The following NUP58 variants were observed in gnomAD, a reference collection of about 807,000 sequenced individuals.
The protein encoded by NUP58 is nucleoporin p58/p45.
NUP58 carries 17 observed loss-of-function variants against 70.1 expected under a neutral mutation model. The ratio of observed to expected loss-of-function variants is 0.24; its 90% confidence interval spans 0.17 to 0.36. The LOEUF (loss-of-function observed/expected upper bound fraction) is 0.36, where lower values mean the gene tolerates loss of function less well. Among genes scored for constraint, NUP58 ranks in the 10% least tolerant of loss-of-function variants. The pLI is 1.00. For missense variants in NUP58, 644 were observed against 701.5 expected (o/e 0.92, Z 0.93); for synonymous variants, 275 against 257.6 (o/e 1.07, Z -0.65).
chr13:25,306,298 C>G (rs186579573), intron 1 of NUP58, among the ~76,000 whole-genome samples: 11 of 149,266 alleles, frequency 7.4e-5, no homozygotes, highest in African/African-American at 2.7e-4. Context: ...TGAGCTACTC[C>G]GGAGGCTGAG....
chr13:25,335,024 T>C (rs2031732172), intron 13 of NUP58: 2 of 985,272 alleles, frequency 2.0e-6, no homozygotes, highest in Non-Finnish European at 1.2e-6. Context: ...GAAACTAATA[T>C]ATATGGTGGC....
chr13:25,333,184 G>A, intron 13 of NUP58: 1 of 985,218 alleles, frequency 1.0e-6, no homozygotes, highest in Non-Finnish European at 1.2e-6. Flanking sequence ...GAAATTCATA[G>A]GTTTTCACTT....
At chr13:25,327,751 T>C (rs1049695051) in intron 12 of NUP58, among the ~76,000 whole-genome samples, 1 of 152,220 alleles carries the variant, frequency 6.6e-6, no homozygotes, top group Non-Finnish European at 1.5e-5. Flanking sequence ...CAGTGCATTG[T>C]GAATAACTTT....
Position 25,325,054 on chromosome 13 carries a change from T to C in NUP58, c.1017T>C (p.Tyr339=). The C allele has an allele frequency of 1.2e-6, 2 of 1,609,060 alleles. No homozygotes were observed. The highest frequency in any genetic ancestry group is 1.7e-6 in the Non-Finnish European group (2 of 1,177,768). Residue 339 remains tyrosine (Y), a synonymous_variant, in exon 10 of 16, where the codon TAT becomes TAC. Transcript: ENST00000381736. ...CACCACCTGGACTTCAACATGAATATGCAGCTCCTGCTGAGTAAGTTGCTG... is the reference window on the plus strand; with the variant it reads ...CACCACCTGGACTTCAACATGAATACGCAGCTCCTGCTGAGTAAGTTGCTG... ...QKTPPGLQHE[Y]AAPADYFRIL...
At chr13:25,305,873 G>A (rs1318043988) in intron 1 of NUP58, among the ~76,000 whole-genome samples, 4 of 152,062 alleles carry the variant, frequency 2.6e-5, no homozygotes, top group East Asian at 1.9e-4. Context: ...GAAGACACCC[G>A]GACCCAAGTA....
chr13:25,322,598 C>A (rs1401242799), intron 9 of NUP58, among the ~76,000 whole-genome samples: 2 of 152,138 alleles, frequency 1.3e-5, no homozygotes, highest in Non-Finnish European at 2.9e-5. Context: ...AAATTGTATA[C>A]AGTTACTTTC....
chr13:25,317,080 T>G (rs1196514876), intron 6 of NUP58, among the ~76,000 whole-genome samples: 1 of 152,166 alleles, frequency 6.6e-6, no homozygotes, highest in Non-Finnish European at 1.5e-5. Context: ...GCTGTATCAG[T>G]TAGCTTGGGC....
chr13:25,333,416 A>G, intron 13 of NUP58: 1 of 985,378 alleles, frequency 1.0e-6, no homozygotes, highest in Non-Finnish European at 1.2e-6. Context: ...GGGGAAATTG[A>G]CTGCCTTCAC....
chr13:25,336,993 C>G lies in NUP58; in HGVS notation c.1493C>G (p.Thr498Ser), dbSNP rs2031809774. Residue 498 changes from threonine to serine, a missense_variant, in exon 14 of 16, where the codon ACT (threonine) becomes AGT (serine). Thr to Ser is a moderately conservative substitution (Grantham distance 58). Coordinates refer to ENST00000381736, the MANE Select transcript of NUP58 (RefSeq NM_014089.4). ...ACGCCATTCGGCTCAGGTATTGGCA[C>G]TGGCTTGCAATCAAGTGGCTTAGGT... Reference protein sequence around the residue: ...FGTPFGSGIGTGLQSSGLGSS... With the variant: ...FGTPFGSGIGSGLQSSGLGSS... 6.2e-7 allele frequency: 1 copy of G among 1,608,912 alleles called. No individual in the cohort carries two copies. Among genetic ancestry groups the G allele is most frequent in the Non-Finnish European group, 8.5e-7 (1 of 1,178,518 alleles).
downstream of NUP58, among the ~76,000 whole-genome samples, chr13:25,343,802 TATGTATATATATATATATATATATACAC>T (rs1403945965): frequency 1.0e-5 from 1 of 99,056 alleles, no homozygotes; most frequent in Non-Finnish European, 2.0e-5. Flanking sequence ...TCCACATATA[TATGTATATATATATATATATATATACAC>T]ATATATATAT....
chr13:25,319,825 C>T (rs1308441360), intron 7 of NUP58, among the ~76,000 whole-genome samples: 1 of 152,002 alleles, frequency 6.6e-6, no homozygotes, highest in Non-Finnish European at 1.5e-5. Context: ...ATGATTTGTA[C>T]TATATTAAAT....
intron 10 of NUP58, 108 bp downstream of exon 10, chr13:25,325,176 G>A (rs2031347455): frequency 1.3e-6 from 1 of 752,746 alleles, no homozygotes; most frequent in Admixed American, 2.6e-5. Context: ...GAAAGGCTGA[G>A]CCAATAAGCA....
At chr13:25,310,555 G>A (rs1430326630) in intron 3 of NUP58, among the ~76,000 whole-genome samples, 2 of 131,154 alleles carry the variant, frequency 1.5e-5, no homozygotes, top group Non-Finnish European at 1.6e-5. Flanking sequence ...TAGAGACAAG[G>A]TCTCAGTATG....
intron 6 of NUP58, among the ~76,000 whole-genome samples, chr13:25,316,334 A>G (rs1237287579): frequency 6.6e-6 from 1 of 152,158 alleles, no homozygotes; most frequent in Non-Finnish European, 1.5e-5. Context: ...TGATGAAAGC[A>G]TGTTTCACTA....
Position 25,325,007 on chromosome 13 carries a change from A to G in NUP58, c.970A>G (p.Ile324Val). The change falls in exon 10 of 16, where the codon ATA becomes GTA. Residue 324 changes from isoleucine (I) to valine (V), a missense_variant. Physicochemically the swap from Ile to Val is conservative, Grantham distance 29. Around this residue, in one of 4 missense-constraint regions of NUP58, gnomAD observed 430 missense variants for 409.2 expected, o/e 1.05. Coordinates refer to ENST00000381736, the MANE Select transcript of NUP58 (RefSeq NM_014089.4). ...ATATTAGGAGTTGAAGAATGCTGAAATAGCTTTAAGAACCCAGAAGACACC... is the reference window on the plus strand; with the variant it reads ...ATATTAGGAGTTGAAGAATGCTGAAGTAGCTTTAAGAACCCAGAAGACACC... ...ETAQELKNAE[I>V]ALRTQKTPPG... 2 of 1,607,094 alleles carry G rather than the reference A, an allele frequency of 1.2e-6. No homozygotes were observed. Among genetic ancestry groups the G allele is most frequent in the Non-Finnish European group, 1.7e-6 (2 of 1,176,974 alleles).
Position 25,340,767 on chromosome 13 carries a change from A to C in NUP58, c.*633A>C, listed in dbSNP as rs143118182. On this transcript the variant is annotated 3_prime_UTR_variant, in exon 16 of 16. Coordinates refer to ENST00000381736, the MANE Select transcript of NUP58 (RefSeq NM_014089.4). ...ACCCCATCTCTACGAAAAATACAAA[A>C]ATTAGCTGGGCATAGTGGCGGGTAC... 1 of 152,058 alleles carries C rather than the reference A, an allele frequency of 6.6e-6. No individual in the cohort carries two copies. The highest frequency in any genetic ancestry group is 6.5e-5 in the Admixed American group (1 of 15,270). 9.4% of individuals were successfully genotyped at this position (152,058 alleles called of 1,614,324 possible).
chr13:25,346,740 A>G (rs1019828782), downstream of NUP58, among the ~76,000 whole-genome samples: 6 of 152,064 alleles, frequency 3.9e-5, no homozygotes, highest in Admixed American at 3.9e-4. Flanking sequence ...AAAAAGATAC[A>G]AGAAAAATTC....
At chr13:25,314,143 AG>A (rs1421471063) in intron 5 of NUP58, among the ~76,000 whole-genome samples, 1 of 152,002 alleles carries the variant, frequency 6.6e-6, no homozygotes, top group African/African-American at 2.4e-5. Context: ...ATGTTGGCCA[AG>A]CTGGTCTCAA....
chr13:25,332,488 G>A (rs1356572942), intron 13 of NUP58: 2 of 983,872 alleles, frequency 2.0e-6, no homozygotes, highest in African/African-American at 3.5e-5. Context: ...TCAATAGCAT[G>A]TGTCTTTCTG....
Sources: allele counts gnomAD v4.1 joint callset (sites outside exome capture counted in the v4.1 genomes callset), GRCh38; gene constraint gnomAD v4.1.1; regional missense constraint gnomAD v4.1.1; transcripts MANE v1.5; gene names NCBI Gene and HGNC (gene_info 2026-07-23, HGNC 2026-07-21).